The following RIMBP2 variants were observed in gnomAD, a reference collection of about 807,000 sequenced individuals.
RIMBP2 encodes RIMS-binding protein 2.
A neutral mutation model predicts 118.6 loss-of-function variants in RIMBP2; 48 were observed. The ratio of observed to expected loss-of-function variants is 0.40; its 90% CI spans 0.32 to 0.51. The LOEUF (loss-of-function observed/expected upper bound fraction) is 0.51, where lower values mean the gene tolerates loss of function less well. RIMBP2 is among the 20% of genes least tolerant of loss of function. The pLI, the probability that RIMBP2 is intolerant of heterozygous loss-of-function variation, is 0.41. For missense variants in RIMBP2, 1,551 were observed against 1,768.3 expected (o/e 0.88, Z 2.20); for synonymous variants, 762 against 742.9 (o/e 1.03, Z -0.42).
intron 1 of RIMBP2, among the ~76,000 whole-genome samples, chr12:130,705,371 G>A (rs925622356): frequency 2.6e-5 from 4 of 152,134 alleles, no homozygotes; most frequent in Admixed American, 2.0e-4. Flanking sequence ...CCTGGCTGCC[G>A]CACCACCGCC....
intron 2 of RIMBP2, among the ~76,000 whole-genome samples, chr12:130,606,544 A>C (rs73156964): frequency 0.13 from 20,233 of 152,224 alleles, 1,585 homozygotes; most frequent in Non-Finnish European, 0.19. Flanking sequence ...TGAGCCAACA[A>C]GTCCCAAAAG....
At chr12:130,595,220 G>GC (rs1443256856) in intron 2 of RIMBP2, among the ~76,000 whole-genome samples, 2 of 152,080 alleles carry the variant, frequency 1.3e-5, no homozygotes, top group Admixed American at 1.3e-4. Context: ...AGCAAACCAT[G>GC]CCCAAAGCCT....
rs1198980321 is a variant in RIMBP2, at chr12:130,688,827, T to G, written c.-352+27395A>C. 6.6e-6 allele frequency among the ~76,000 whole-genome samples: 1 copy of G among 152,232 alleles called. No individual in the cohort carries two copies. Among genetic ancestry groups the G allele is most frequent in the Admixed American group, 6.5e-5 (1 of 15,290 alleles). On this transcript the variant is annotated intron_variant, in intron 1 of 22. Coordinates refer to ENST00000690449, the MANE Select transcript of RIMBP2 (RefSeq NM_001393629.1). The surrounding 1 kb of genome is among the most constrained non-coding windows in gnomAD (Gnocchi z 4.7). The stretch of plus-strand genomic sequence containing the variant: ...ATTCCAACTGCTCAGCTGAAACGTT[T>G]CGAACCAAGTCTAAACTCTGCAAAA...
At chr12:130,626,324 C>T (rs181508669) in intron 2 of RIMBP2, among the ~76,000 whole-genome samples, 20 of 152,310 alleles carry the variant, frequency 1.3e-4, no homozygotes, top group South Asian at 6.2e-4. Flanking sequence ...CCACGACTAC[C>T]GCCAGCATCA....
chr12:130,543,462 T>C (rs1350782448), intron 2 of RIMBP2, among the ~76,000 whole-genome samples: 2 of 152,124 alleles, frequency 1.3e-5, no homozygotes, highest in Non-Finnish European at 2.9e-5. Flanking sequence ...ATACCAACCG[T>C]ATTGCTGCAG....
At chr12:130,573,304 CTG>C (rs569598287) in intron 2 of RIMBP2, among the ~76,000 whole-genome samples, 134 of 151,944 alleles carry the variant, frequency 8.8e-4, no homozygotes, top group African/African-American at 3.0e-3. Flanking sequence ...GCAAAAATAA[CTG>C]TTGGATTGCA....
chr12:130,548,877 G>A lies in RIMBP2; in HGVS notation c.-216-30960C>T, dbSNP rs552740363. ...CCTAGGATTACAGGCATGAGCCGCCGTGCCCAGCCTACCTCTTGGACTTTG... is the reference window on the plus strand; with the variant it reads ...CCTAGGATTACAGGCATGAGCCGCCATGCCCAGCCTACCTCTTGGACTTTG... On this transcript the variant is annotated intron_variant, in intron 2 of 22. Coordinates refer to ENST00000690449, the MANE Select transcript of RIMBP2 (RefSeq NM_001393629.1). 5.7e-4 allele frequency among the ~76,000 whole-genome samples: 86 copies of A among 152,086 alleles called. 1 individual carries two copies. The highest frequency in any genetic ancestry group is 1.7e-3 in the African/African-American group (70 of 41,490).
intron 5 of RIMBP2, among the ~76,000 whole-genome samples, chr12:130,477,674 A>C (rs1242575403): frequency 6.6e-6 from 1 of 152,226 alleles, no homozygotes; most frequent in Non-Finnish European, 1.5e-5. Context: ...GAACTTATCT[A>C]CCTGTTTCCA....
chr12:130,571,874 C>T (rs1378907742), intron 2 of RIMBP2, among the ~76,000 whole-genome samples: 1 of 152,158 alleles, frequency 6.6e-6, no homozygotes, highest in Admixed American at 6.5e-5. Flanking sequence ...AGGGAGCCCA[C>T]CTCGGGGCTG....
chr12:130,697,577 A>G (rs1253159180), intron 1 of RIMBP2, among the ~76,000 whole-genome samples: 1 of 152,170 alleles, frequency 6.6e-6, no homozygotes, highest in Admixed American at 6.5e-5. Context: ...AACTGATTGG[A>G]GATAGAAGTT....
chr12:130,705,952 C>T (rs938594934), intron 1 of RIMBP2, among the ~76,000 whole-genome samples: 5 of 152,258 alleles, frequency 3.3e-5, no homozygotes, highest in African/African-American at 9.6e-5. Flanking sequence ...CAGCTCTGCT[C>T]ATGAGAAAGG....
intron 2 of RIMBP2, among the ~76,000 whole-genome samples, chr12:130,587,694 G>C (rs1266476453): frequency 4.4e-5 from 4 of 89,916 alleles, no homozygotes; most frequent in African/African-American, 9.1e-5. Context: ...TGGGGGGAGG[G>C]GGGAGGGATA....
At chr12:130,528,343 G>C (rs1474890932) in intron 2 of RIMBP2, among the ~76,000 whole-genome samples, 1 of 152,134 alleles carries the variant, frequency 6.6e-6, no homozygotes, top group African/African-American at 2.4e-5. Context: ...ATTAATGCAG[G>C]AACAAAAAAC....
chr12:130,626,731 C>T (rs956036973), intron 2 of RIMBP2, among the ~76,000 whole-genome samples: 3 of 151,592 alleles, frequency 2.0e-5, no homozygotes, highest in African/African-American at 7.3e-5. Context: ...CCACAACTAC[C>T]GCCGGCATCA....
At position 130,469,301 on chromosome 12, in the gene RIMBP2, C is replaced by T. The variant is rs1188763258; in HGVS notation, c.153+1392G>A. ...TTGCGACCGTCACCACATTTGAAAG[C>T]ATGCACCACCAGCAGCACGGGGTGA... On this transcript the variant is annotated intron_variant, in intron 6 of 22. Coordinates refer to ENST00000690449, the MANE Select transcript of RIMBP2 (RefSeq NM_001393629.1). This position sits in a 1 kb window ranked among gnomAD's most constrained non-coding sequence, Gnocchi z 4.8. 1 of 152,450 alleles carries T rather than the reference C, an allele frequency of 6.6e-6. No individual in the cohort carries two copies. The highest frequency in any genetic ancestry group is 1.5e-5 in the Non-Finnish European group (1 of 68,046). The allele number at this position is 152,450 out of a possible 1,614,324, so 9.4% of individuals were successfully genotyped here. A position where few individuals can be genotyped will look rare whatever the true frequency, so the allele number is the denominator to read the frequency against.
intron 2 of RIMBP2, among the ~76,000 whole-genome samples, chr12:130,616,505 C>A (rs984043364): frequency 1.3e-5 from 2 of 152,198 alleles, no homozygotes; most frequent in African/African-American, 2.4e-5. Context: ...AACCTGTCTA[C>A]AAGGCAGGAT....
chr12:130,490,480 C>G (rs2048535787), intron 4 of RIMBP2, among the ~76,000 whole-genome samples: 1 of 152,164 alleles, frequency 6.6e-6, no homozygotes, highest in Non-Finnish European at 1.5e-5. Flanking sequence ...TCCCAGCTGT[C>G]AGACAATCCC....
chr12:130,484,508 C>T (rs528182547), intron 4 of RIMBP2, among the ~76,000 whole-genome samples: 1 of 152,364 alleles, frequency 6.6e-6, no homozygotes, highest in East Asian at 1.9e-4. Flanking sequence ...AGTGCACTGG[C>T]CGGCTCCCTT....
intron 2 of RIMBP2, among the ~76,000 whole-genome samples, chr12:130,553,140 G>A (rs533601599): frequency 4.8e-5 from 7 of 146,924 alleles, no homozygotes; most frequent in African/African-American, 7.5e-5. Context: ...GCAACAGAGC[G>A]AGACTCCATC....
Sources: allele counts gnomAD v4.1 joint callset (sites outside exome capture counted in the v4.1 genomes callset), GRCh38; gene constraint gnomAD v4.1.1; non-coding constraint Gnocchi (gnomAD v3.1); transcripts MANE v1.5; gene names NCBI Gene and HGNC (gene_info 2026-07-23, HGNC 2026-07-21).